Variants in SLC8A3 observed in about 807,000 individuals in gnomAD.
SLC8A3 encodes sodium/calcium exchanger 3.
A neutral mutation model predicts 65.4 loss-of-function variants in SLC8A3; 37 were observed. The observed-to-expected ratio is 0.57, with a 90% confidence interval of 0.44 to 0.74. The LOEUF is 0.74. Among genes scored for constraint, SLC8A3 ranks in the 30% least tolerant of loss-of-function variants. SLC8A3 has a pLI of 0.00. For missense variants in SLC8A3, 1,112 were observed against 1,172.1 expected (o/e 0.95, Z 0.75); for synonymous variants, 461 against 444.5 (o/e 1.04, Z -0.47).
chr14:70,091,657 T>C (rs1891812590), intron 2 of SLC8A3, among the ~76,000 whole-genome samples: 2 of 152,324 alleles, frequency 1.3e-5, no homozygotes, highest in South Asian at 4.1e-4. Flanking sequence ...TTTTGATCAT[T>C]TGAATCACCA....
intron 2 of SLC8A3, among the ~76,000 whole-genome samples, chr14:70,065,555 C>G (rs1284043491): frequency 6.6e-6 from 1 of 152,162 alleles, no homozygotes; most frequent in Non-Finnish European, 1.5e-5. Flanking sequence ...GCTGGGTGAC[C>G]TTGGGCAATG....
chr14:70,175,725 GC>G (rs1897863341), intron 1 of SLC8A3, among the ~76,000 whole-genome samples: 2 of 128,250 alleles, frequency 1.6e-5, no homozygotes, highest in Non-Finnish European at 3.4e-5. Context: ...ATATAGGGAA[GC>G]TTTTTTTTTT....
At chr14:70,051,859 G>T in intron 4 of SLC8A3, 131 bp downstream of exon 4, 1 of 685,438 alleles carries the variant, frequency 1.5e-6, no homozygotes, top group Non-Finnish European at 2.5e-6. Flanking sequence ...ACTGAGACCT[G>T]GGGTGGGTAA....
chr14:70,110,457 C>T (rs1310098411), intron 2 of SLC8A3, among the ~76,000 whole-genome samples: 2 of 151,946 alleles, frequency 1.3e-5, no homozygotes, highest in African/African-American at 2.4e-5. Context: ...TCTTTCTGTG[C>T]CTGGCTTATT....
At chr14:70,128,699 G>C (rs559725713) in intron 2 of SLC8A3, among the ~76,000 whole-genome samples, 1 of 152,174 alleles carries the variant, frequency 6.6e-6, no homozygotes, top group East Asian at 1.9e-4. Context: ...AGTGGTTTTT[G>C]AACATGTTTC....
chr14:70,171,858 A>G (rs1566831192), intron 1 of SLC8A3, among the ~76,000 whole-genome samples: 1 of 152,098 alleles, frequency 6.6e-6, no homozygotes, highest in Non-Finnish European at 1.5e-5. Context: ...AAATGCAGGC[A>G]CCCAGTTTTT....
chr14:70,079,716 GA>G (rs1182894542), intron 2 of SLC8A3, among the ~76,000 whole-genome samples: 2 of 151,954 alleles, frequency 1.3e-5, no homozygotes, highest in Admixed American at 6.6e-5. Context: ...CAGTCCTTGA[GA>G]AACACAGGTG....
At chr14:70,051,699 AT>A (rs991785447) in intron 4 of SLC8A3, among the ~76,000 whole-genome samples, 1 of 152,192 alleles carries the variant, frequency 6.6e-6, no homozygotes, top group South Asian at 2.1e-4. Context: ...GAGTTTTAAT[AT>A]TTTTGCTTTA....
intron 2 of SLC8A3, among the ~76,000 whole-genome samples, chr14:70,122,281 A>G (rs1894121701): frequency 6.6e-6 from 1 of 151,918 alleles, no homozygotes. Context: ...CTCCTGACCC[A>G]TTTTTTCTTT....
intron 2 of SLC8A3, among the ~76,000 whole-genome samples, chr14:70,166,107 G>A (rs1269978289): frequency 2.6e-5 from 4 of 152,200 alleles, no homozygotes; most frequent in South Asian, 2.1e-4. Context: ...TAAAGAAGAC[G>A]TGCCTGGAAT....
intron 2 of SLC8A3, among the ~76,000 whole-genome samples, chr14:70,073,439 A>G (rs1890190641): frequency 6.6e-6 from 1 of 152,170 alleles, no homozygotes; most frequent in Non-Finnish European, 1.5e-5. Flanking sequence ...AGGAATATTC[A>G]CAACTCCAAT....
At position 70,062,054 on chromosome 14, in the gene SLC8A3, T is replaced by G. The variant is rs576526026; in HGVS notation, c.1785-1115A>C. On this transcript the variant is annotated intron_variant, in intron 2 of 6. Coordinates refer to ENST00000356921, the MANE Select transcript of SLC8A3 (RefSeq NM_182932.3). Reference sequence around the variant, plus strand: ...TGGAATCACAATGGTGGCTAGCAGGTCCTACTAGTGAGCCAGAATTGTAAT... The same window carrying G: ...TGGAATCACAATGGTGGCTAGCAGGGCCTACTAGTGAGCCAGAATTGTAAT... 1.4e-3 allele frequency among the ~76,000 whole-genome samples: 208 copies of G among 143,472 alleles called. No individual in the cohort carries two copies. The Middle Eastern group carries it at 0.017, about 12-fold the overall frequency. The allele number at this position is 143,472 out of a possible 152,430, so 94.1% of individuals were successfully genotyped here.
chr14:70,188,182 G>A (rs1461177909), intron 1 of SLC8A3, among the ~76,000 whole-genome samples, 197 bp downstream of exon 1: 3 of 152,140 alleles, frequency 2.0e-5, no homozygotes, highest in African/African-American at 4.8e-5. Context: ...TACACTTTCC[G>A]GGGCACCCTC....
intron 2 of SLC8A3, among the ~76,000 whole-genome samples, chr14:70,133,503 G>A (rs1486395724): frequency 6.6e-6 from 1 of 152,192 alleles, no homozygotes; most frequent in African/African-American, 2.4e-5. Context: ...AAGGTGCATT[G>A]AGGCTGCAGG....
At chr14:70,048,526 A>G (rs10136848) in intron 6 of SLC8A3, 45,863 of 627,472 alleles carry the variant, frequency 0.073, 2,004 homozygotes, top group Non-Finnish European at 0.088. Flanking sequence ...ACAGGGGGAA[A>G]ATGTAAATGT....
intron 2 of SLC8A3, among the ~76,000 whole-genome samples, chr14:70,140,682 G>A: frequency 6.6e-6 from 1 of 152,282 alleles, no homozygotes; most frequent in South Asian, 2.1e-4. Context: ...ATGGAGTCTG[G>A]CAGGTAATGT....
chr14:70,187,703 C>T (rs1883436899), intron 1 of SLC8A3, among the ~76,000 whole-genome samples: 1 of 151,828 alleles, frequency 6.6e-6, no homozygotes, highest in African/African-American at 2.4e-5. Flanking sequence ...ATTCTCTCCA[C>T]CGAGTCCCGG....
chr14:70,159,444 A>C (rs942240971), intron 2 of SLC8A3, among the ~76,000 whole-genome samples: 1 of 151,890 alleles, frequency 6.6e-6, no homozygotes, highest in Non-Finnish European at 1.5e-5. Context: ...CCCAAACACA[A>C]AACACTAAGG....
At position 70,165,191 on chromosome 14, in the gene SLC8A3, TC is replaced by T. The variant is rs778887980; in HGVS notation, c.1784+1447del. 3.9e-5 allele frequency among the ~76,000 whole-genome samples: 6 copies of T among 152,186 alleles called. No homozygotes were observed. In the East Asian group the frequency reaches 9.6e-4, roughly 24 times the overall value. ...CAGTTTGCATATCAGAAAGTTAAGT[TC>T]CAGAACCAATAAATGACCTGCCCCA... On this transcript the variant is annotated intron_variant, in intron 2 of 6. Coordinates refer to ENST00000356921, the MANE Select transcript of SLC8A3 (RefSeq NM_182932.3).
Sources: gnomAD v4.1 joint callset for allele counts (sites outside exome capture counted in the v4.1 genomes callset) on GRCh38, gnomAD v4.1.1 for gene constraint, MANE v1.5 for transcripts, NCBI Gene and HGNC (gene_info 2026-07-23, HGNC 2026-07-21) for gene names.